Variants in MDGA2 observed in about 807,000 individuals in gnomAD.
MDGA2 encodes MAM domain-containing glycosylphosphatidylinositol anchor protein 2.
A neutral mutation model predicts 117.8 loss-of-function variants in MDGA2; 40 were observed. That is an observed-to-expected ratio of 0.34 (90% confidence interval 0.26 to 0.44). MDGA2 has a LOEUF of 0.44. Ranked by LOEUF, MDGA2 falls within the 20% of genes least tolerant of loss-of-function variation. MDGA2 has a pLI of 1.00. For synonymous variants in MDGA2, 452 were observed against 439.0 expected (o/e 1.03, Z -0.37); for missense variants, 1,123 against 1,250.6 (o/e 0.90, Z 1.54).
chr14:47,255,845 G>T (rs61418656), intron 2 of MDGA2, among the ~76,000 whole-genome samples: 1 of 151,854 alleles, frequency 6.6e-6, no homozygotes, highest in Non-Finnish European at 1.5e-5. Flanking sequence ...TGCTTGTCTG[G>T]TAAATGAGAT....
At chr14:47,057,911 G>T (rs1889745066) in intron 7 of MDGA2, among the ~76,000 whole-genome samples, 1 of 151,990 alleles carries the variant, frequency 6.6e-6, no homozygotes, top group African/African-American at 2.4e-5. Context: ...GAGCCACCAT[G>T]CCTGGCCCTA....
chr14:47,660,612 TGC>T (rs926562948), intron 1 of MDGA2, among the ~76,000 whole-genome samples: 2 of 152,190 alleles, frequency 1.3e-5, no homozygotes, highest in African/African-American at 4.8e-5. Context: ...CAATTAACTC[TGC>T]GCGAAAAATG....
intron 1 of MDGA2, among the ~76,000 whole-genome samples, chr14:47,415,568 T>C (rs1226907369): frequency 1.3e-5 from 2 of 152,170 alleles, no homozygotes; most frequent in African/African-American, 4.8e-5. Context: ...TTAAACTTTA[T>C]TATAGTATGT....
intron 1 of MDGA2, among the ~76,000 whole-genome samples, chr14:47,640,322 C>T (rs370761580): frequency 6.6e-6 from 1 of 152,066 alleles, no homozygotes. Flanking sequence ...TGAGTCTTCC[C>T]TCATTTAACA....
chr14:46,953,117 T>G (rs1196494175), intron 9 of MDGA2, among the ~76,000 whole-genome samples: 1 of 151,916 alleles, frequency 6.6e-6, no homozygotes, highest in Non-Finnish European at 1.5e-5. Context: ...GGCAAAGTTT[T>G]TCAGAGAAAG....
intron 1 of MDGA2, 83 bp from the exon 2 acceptor site, chr14:47,301,633 C>T (rs754565531): frequency 4.9e-5 from 70 of 1,424,928 alleles, no homozygotes; most frequent in Non-Finnish European, 6.3e-5. Flanking sequence ...ACTATAAAAG[C>T]AATTCTTATT....
chr14:47,098,542 C>G (rs1488022412), intron 5 of MDGA2, among the ~76,000 whole-genome samples: 2 of 150,978 alleles, frequency 1.3e-5, no homozygotes, highest in East Asian at 3.9e-4. Flanking sequence ...TGAAAAAAAC[C>G]TCAAAGAGTT....
At chr14:47,238,528 A>G (rs185876571) in intron 2 of MDGA2, among the ~76,000 whole-genome samples, 1 of 151,732 alleles carries the variant, frequency 6.6e-6, no homozygotes, top group African/African-American at 2.4e-5. Context: ...TTACGTGCTT[A>G]CAAAACAAAA....
intron 5 of MDGA2, among the ~76,000 whole-genome samples, chr14:47,109,186 C>T (rs17118068): frequency 0.14 from 21,053 of 152,054 alleles, 1,690 homozygotes; most frequent in African/African-American, 0.2. Flanking sequence ...ATGGAAAACA[C>T]CAGAATTTTA....
At chr14:47,300,910 T>C (rs1889257265) in intron 2 of MDGA2, among the ~76,000 whole-genome samples, 1 of 152,196 alleles carries the variant, frequency 6.6e-6, no homozygotes, top group Non-Finnish European at 1.5e-5. Flanking sequence ...CCTGAGTGCA[T>C]ACAGTATCTG....
chr14:47,606,818 C>T (rs1896751977), intron 1 of MDGA2, among the ~76,000 whole-genome samples: 1 of 152,138 alleles, frequency 6.6e-6, no homozygotes, highest in African/African-American at 2.4e-5. Flanking sequence ...CCATGAAGCA[C>T]AGAGAATTTT....
At chr14:47,320,843 C>T (rs1405815212) in intron 1 of MDGA2, among the ~76,000 whole-genome samples, 2 of 152,056 alleles carry the variant, frequency 1.3e-5, no homozygotes, top group Non-Finnish European at 1.5e-5. Flanking sequence ...TTTAAGAATG[C>T]TTTGAGTACT....
At chr14:47,124,142 T>G (rs1881785280) in intron 5 of MDGA2, among the ~76,000 whole-genome samples, 1 of 152,086 alleles carries the variant, frequency 6.6e-6, no homozygotes, top group Admixed American at 6.6e-5. Context: ...TTTTAGCGCA[T>G]GAAAGGTGAA....
At chr14:47,358,096 C>A (rs1020522281) in intron 1 of MDGA2, among the ~76,000 whole-genome samples, 1 of 152,202 alleles carries the variant, frequency 6.6e-6, no homozygotes, top group Non-Finnish European at 1.5e-5. Flanking sequence ...TGGATCCATA[C>A]ATGCCTGAAT....
In MDGA2 at chr14:46,939,256, C is replaced by T. The variant is rs528782398; in HGVS notation, c.2089+18118G>A. On this transcript the variant is annotated intron_variant, in intron 9 of 16. Coordinates refer to ENST00000399232, the MANE Select transcript of MDGA2 (RefSeq NM_001113498.3). ...TATATATTTTCTAGTAGCTAGTAGA[C>T]GGGATATTGAATGTTTCCAACACAA... Among the ~76,000 whole-genome samples, 23 of 152,090 alleles carry T rather than the reference C, an allele frequency of 1.5e-4. 1 individual carries two copies. Among genetic ancestry groups the T allele is most frequent in the East Asian group, 3.9e-4 (2 of 5,170 alleles).
At chr14:47,044,214 T>C (rs1023014506) in intron 7 of MDGA2, among the ~76,000 whole-genome samples, 2 of 152,138 alleles carry the variant, frequency 1.3e-5, no homozygotes, top group East Asian at 1.9e-4. Flanking sequence ...GCATATAAAT[T>C]TCAAGATCAT....
At chr14:47,434,613 A>C (rs571080117) in intron 1 of MDGA2, among the ~76,000 whole-genome samples, 1 of 152,190 alleles carries the variant, frequency 6.6e-6, no homozygotes, top group Non-Finnish European at 1.5e-5. Context: ...ACAGATAATG[A>C]TAAGATACCC....
At chr14:46,876,086 G>T (rs945426998) in intron 12 of MDGA2, among the ~76,000 whole-genome samples, 1 of 151,314 alleles carries the variant, frequency 6.6e-6, no homozygotes, top group Non-Finnish European at 1.5e-5. Flanking sequence ...ATTTTTCATC[G>T]TTTAGGTTAT....
chr14:46,978,069 T>C (rs1051676683), intron 8 of MDGA2, among the ~76,000 whole-genome samples: 1 of 151,888 alleles, frequency 6.6e-6, no homozygotes, highest in African/African-American at 2.4e-5. Flanking sequence ...TTCTTGAGGA[T>C]TAAAGACATT....
Sources: gnomAD v4.1 joint callset for allele counts (sites outside exome capture counted in the v4.1 genomes callset) on GRCh38, gnomAD v4.1.1 for gene constraint, MANE v1.5 for transcripts, NCBI Gene and HGNC (gene_info 2026-07-23, HGNC 2026-07-21) for gene names.